The following ANKRD31 variants were observed in gnomAD, a reference collection of about 807,000 sequenced individuals.
The protein encoded by ANKRD31 is ankyrin repeat domain 31.
A neutral mutation model predicts 186.0 loss-of-function variants in ANKRD31; 147 were observed. The observed-to-expected ratio is 0.79, with a 90% CI of 0.69 to 0.91. The LOEUF is 0.91. Ranked by LOEUF, ANKRD31 falls within the 40% of genes least tolerant of loss-of-function variation. The probability of loss-of-function intolerance (pLI) is 0.00; values close to 1 mark genes in which losing one functional copy is unlikely to be tolerated. For missense variants in ANKRD31, 1,986 were observed against 2,148.8 expected (o/e 0.92, Z 1.50); for synonymous variants, 673 against 736.4 (o/e 0.91, Z 1.39).
At chr5:75,089,533 A>C (rs1315014779) in intron 23 of ANKRD31, among the ~76,000 whole-genome samples, 1 of 152,224 alleles carries the variant, frequency 6.6e-6, no homozygotes, top group Non-Finnish European at 1.5e-5. Context: ...GAGTTACTCC[A>C]AGACAAGAAG....
intron 10 of ANKRD31, among the ~76,000 whole-genome samples, chr5:75,184,639 G>A (rs565306512): frequency 1.6e-4 from 25 of 151,868 alleles, no homozygotes; most frequent in Non-Finnish European, 3.2e-4. Flanking sequence ...TGACTACCAG[G>A]GAAAAGCAAA....
chr5:75,215,046 T>C (rs968415125), intron 3 of ANKRD31, among the ~76,000 whole-genome samples: 17 of 152,082 alleles, frequency 1.1e-4, no homozygotes, highest in African/African-American at 3.9e-4. Context: ...AGCCAGCCAA[T>C]GGTATAGTTC....
chr5:75,116,538 A>C, intron 19 of ANKRD31, 28 bp downstream of exon 19: 1 of 1,308,246 alleles, frequency 7.6e-7, no homozygotes, highest in Non-Finnish European at 9.9e-7. Flanking sequence ...TCTAAGATGA[A>C]GAACAAAGTA....
chr5:75,205,953 C>T (rs1756149791), intron 5 of ANKRD31, among the ~76,000 whole-genome samples: 1 of 151,840 alleles, frequency 6.6e-6, no homozygotes. Context: ...AGGAAACAAA[C>T]TTTGTTTTCA....
intron 17 of ANKRD31, among the ~76,000 whole-genome samples, chr5:75,121,051 CGT>C (rs1748729840): frequency 6.6e-6 from 1 of 151,846 alleles, no homozygotes; most frequent in Non-Finnish European, 1.5e-5. Flanking sequence ...AGTGTGGTGG[CGT>C]GCGCCTGTAA....
chr5:75,070,067 G>A (rs1287262492), intron 25 of ANKRD31, among the ~76,000 whole-genome samples: 1 of 152,054 alleles, frequency 6.6e-6, no homozygotes, highest in African/African-American at 2.4e-5. Flanking sequence ...CCTTTTTGAG[G>A]GGTTGAGGCC....
At chr5:75,219,676 C>A (rs191746520) in intron 3 of ANKRD31, among the ~76,000 whole-genome samples, 36 of 152,238 alleles carry the variant, frequency 2.4e-4, no homozygotes, top group Middle Eastern at 3.4e-3. Flanking sequence ...GAAAAGATCC[C>A]GAATAGCCAA....
chr5:75,129,802 C>T (rs1166657423), intron 17 of ANKRD31, among the ~76,000 whole-genome samples: 1 of 152,160 alleles, frequency 6.6e-6, no homozygotes, highest in Non-Finnish European at 1.5e-5. Flanking sequence ...TGGGTGCAGC[C>T]CACGGAGTGT....
At chr5:75,069,103 G>A (rs1744002575) in intron 25 of ANKRD31, among the ~76,000 whole-genome samples, 2 of 152,146 alleles carry the variant, frequency 1.3e-5, no homozygotes, top group African/African-American at 4.8e-5. Flanking sequence ...TTCTAGTCCT[G>A]CCTCTGCCAC....
intron 14 of ANKRD31, among the ~76,000 whole-genome samples, chr5:75,144,431 A>G (rs1332092606): frequency 2.0e-5 from 3 of 152,082 alleles, no homozygotes; most frequent in African/African-American, 7.2e-5. Flanking sequence ...ATGCTCAATA[A>G]ATACTATATT....
rs995872741 is a variant in ANKRD31, at chr5:75,161,824, AG to A, written c.1707+7154del. On this transcript the variant is annotated intron_variant, in intron 11 of 25. Transcript: ENST00000506364. ...TGTAGAGCTTGGGCTGTGGCTTCAG[AG>A]GGTTCAAGCCCCTAACCTTGGCAGC... 9.2e-5 allele frequency among the ~76,000 whole-genome samples: 14 copies of A among 152,324 alleles called. No homozygotes were observed. In the South Asian group the frequency reaches 1.0e-3, roughly 11 times the overall value.
intron 17 of ANKRD31, among the ~76,000 whole-genome samples, chr5:75,133,266 A>G (rs2150115334): frequency 6.6e-6 from 1 of 152,346 alleles, no homozygotes; most frequent in African/African-American, 2.4e-5. Flanking sequence ...CAAGAGACCC[A>G]TCTCACGTGC....
At chr5:75,165,570 A>G (rs1342051527) in intron 11 of ANKRD31, among the ~76,000 whole-genome samples, 1 of 152,230 alleles carries the variant, frequency 6.6e-6, no homozygotes, top group East Asian at 1.9e-4. Flanking sequence ...GATATAGTTC[A>G]CTGAAAACGC....
intron 11 of ANKRD31, among the ~76,000 whole-genome samples, chr5:75,168,221 G>T (rs1753060117): frequency 6.6e-6 from 1 of 152,092 alleles, no homozygotes; most frequent in Non-Finnish European, 1.5e-5. Context: ...GCCTGTGTTA[G>T]GCATTTCTTC....
intron 22 of ANKRD31, among the ~76,000 whole-genome samples, chr5:75,098,561 G>A (rs1199937571): frequency 6.6e-6 from 1 of 152,132 alleles, no homozygotes; most frequent in African/African-American, 2.4e-5. Flanking sequence ...TCCTATCCAT[G>A]AGCATGGAAT....
At chr5:75,227,475 A>C (rs1757698959) in intron 2 of ANKRD31, among the ~76,000 whole-genome samples, 1 of 152,188 alleles carries the variant, frequency 6.6e-6, no homozygotes, top group South Asian at 2.1e-4. Flanking sequence ...TGGATATCCC[A>C]TTTACCCTGA....
At chr5:75,207,809 CTTTTT>C (rs1182120084) in intron 4 of ANKRD31, among the ~76,000 whole-genome samples, 1 of 151,888 alleles carries the variant, frequency 6.6e-6, no homozygotes, top group Non-Finnish European at 1.5e-5. Flanking sequence ...TTAGTCTTTT[CTTTTT>C]TTATTTCTTT....
chr5:75,082,811 A>G (rs78753404), intron 24 of ANKRD31, among the ~76,000 whole-genome samples: 1 of 152,358 alleles, frequency 6.6e-6, no homozygotes, highest in Non-Finnish European at 1.5e-5. Flanking sequence ...AAATTCTGCT[A>G]GAATTAACTA....
intron 5 of ANKRD31, among the ~76,000 whole-genome samples, chr5:75,203,885 T>A (rs1445482154): frequency 6.6e-6 from 1 of 152,166 alleles, no homozygotes; most frequent in African/African-American, 2.4e-5. Flanking sequence ...TAAAAAGTGC[T>A]AAATAGGTTT....
Sources: gnomAD v4.1 joint callset for allele counts (sites outside exome capture counted in the v4.1 genomes callset) on GRCh38, gnomAD v4.1.1 for gene constraint, MANE v1.5 for transcripts, NCBI Gene and HGNC (gene_info 2026-07-23, HGNC 2026-07-21) for gene names.